ATXN7L1: variants seen among roughly 807,000 people sequenced by gnomAD.
ATXN7L1 encodes the protein ataxin 7 like 1, also known as ataxin-7-like protein 1.
ATXN7L1 carries 15 observed loss-of-function variants against 70.8 expected under a neutral mutation model. The observed-to-expected ratio is 0.21, with a 90% CI of 0.14 to 0.33. The LOEUF is 0.33. ATXN7L1 is among the 10% of genes least tolerant of loss of function. The pLI is 1.00. For synonymous variants in ATXN7L1, 440 were observed against 445.1 expected, an observed-to-expected ratio of 0.99 and a Z score of 0.14; for missense variants, 975 against 1,097.1, an observed-to-expected ratio of 0.89 and a Z score of 1.57.
In ATXN7L1 at chr7:105,614,043, G is replaced by C. The variant is rs1793464038; in HGVS notation, c.2291C>G (p.Ala764Gly). The change falls in exon 10 of 12, where the codon GCT (alanine) becomes GGT (glycine). Residue 764 changes from alanine to glycine, a missense_variant. Ala to Gly is a moderately conservative substitution (Grantham distance 60). This residue lies in a region of ATXN7L1 where 635 missense variants were observed against 699.4 expected (regional missense o/e 0.91). Transcript: ENST00000419735. This position sits in a 1 kb window ranked among gnomAD's most constrained non-coding sequence, Gnocchi z 4.3. Reference sequence around the variant, plus strand: ...AAAAGAGAGGGGCAGAGAAGACACAGCATTGTGTGAGGCCAGAGAGAGGTC... The same window carrying C: ...AAAAGAGAGGGGCAGAGAAGACACACCATTGTGTGAGGCCAGAGAGAGGTC... ...AGDLSLASHN[A>G]VSSLPLSFDK... 6.4e-7 allele frequency: 1 copy of C among 1,551,834 alleles called. No individual in the cohort carries two copies. The highest frequency in any genetic ancestry group is 2.4e-5 in the East Asian group (1 of 40,932).
At chr7:105,720,199 TA>T (rs1187560668) in intron 3 of ATXN7L1, among the ~76,000 whole-genome samples, 1 of 152,236 alleles carries the variant, frequency 6.6e-6, no homozygotes, top group Non-Finnish European at 1.5e-5. Flanking sequence ...TGCAGGTGGT[TA>T]ATTCTTTCAT....
chr7:105,673,002 C>T (rs1297115744), intron 3 of ATXN7L1, among the ~76,000 whole-genome samples: 1 of 152,210 alleles, frequency 6.6e-6, no homozygotes. Context: ...TTCCCCACAG[C>T]CTCCTTAAAC....
At chr7:105,741,046 G>A (rs1440265023) in intron 3 of ATXN7L1, among the ~76,000 whole-genome samples, 2 of 152,096 alleles carry the variant, frequency 1.3e-5, no homozygotes, top group Non-Finnish European at 2.9e-5. Context: ...TTACACGCGT[G>A]AGCCACCGCA....
At chr7:105,850,978 C>T (rs1814794140) in intron 2 of ATXN7L1, among the ~76,000 whole-genome samples, 1 of 152,154 alleles carries the variant, frequency 6.6e-6, no homozygotes. Context: ...TAACTTACCT[C>T]TTCACCTAGA....
At chr7:105,666,474 G>A (rs1030031821) in intron 3 of ATXN7L1, among the ~76,000 whole-genome samples, 1 of 152,160 alleles carries the variant, frequency 6.6e-6, no homozygotes, top group Non-Finnish European at 1.5e-5. Flanking sequence ...ACCTTTCCTG[G>A]TTGCTTTTGC....
intron 3 of ATXN7L1, among the ~76,000 whole-genome samples, chr7:105,746,102 G>T (rs184346719): frequency 1.3e-5 from 2 of 152,148 alleles, no homozygotes; most frequent in East Asian, 3.9e-4. Context: ...AAATCACGTG[G>T]GCCCTATTTT....
chr7:105,747,260 T>C (rs1168773172), intron 3 of ATXN7L1, among the ~76,000 whole-genome samples: 1 of 152,058 alleles, frequency 6.6e-6, no homozygotes, highest in Non-Finnish European at 1.5e-5. Context: ...GAGGGTTGAG[T>C]TCATCACTAA....
intron 3 of ATXN7L1, among the ~76,000 whole-genome samples, chr7:105,754,652 A>C (rs1012949592): frequency 5.9e-5 from 9 of 152,054 alleles, no homozygotes; most frequent in Admixed American, 3.3e-4. Flanking sequence ...TAGAGACAGG[A>C]TCTCACTATG....
At chr7:105,662,858 C>T (rs531935274) in intron 4 of ATXN7L1, among the ~76,000 whole-genome samples, 12 of 152,192 alleles carry the variant, frequency 7.9e-5, no homozygotes, top group East Asian at 5.8e-4. Context: ...ATAACCATGA[C>T]GTTATGCTAA....
intron 3 of ATXN7L1, among the ~76,000 whole-genome samples, chr7:105,705,281 C>A (rs988199655): frequency 1.6e-4 from 25 of 152,292 alleles, no homozygotes; most frequent in Middle Eastern, 3.4e-3. Flanking sequence ...CTGCCTTGGC[C>A]TCCCAAAGTG....
At position 105,605,051 on chromosome 7, in the gene ATXN7L1, T is replaced by TTTA. The variant is rs1792699104; in HGVS notation, c.*2800_*2801insTAA. On this transcript the variant is annotated 3_prime_UTR_variant, in exon 12 of 12. Coordinates refer to ENST00000419735, the MANE Select transcript of ATXN7L1 (RefSeq NM_020725.2). ...CAAGTTATCCAAGTCGCTTTTTTTT[T>TTTA]TTTTTTTTTTTTTTTATGGCTGACA... 1 of 143,732 alleles carries TTTA rather than the reference T, an allele frequency of 7.0e-6. No individual in the cohort carries two copies. Among genetic ancestry groups the TTTA allele is most frequent in the Admixed American group, 7.0e-5 (1 of 14,226 alleles). The allele number at this position is 143,732 out of a possible 1,614,324, so 8.9% of individuals were successfully genotyped here. A position where few individuals can be genotyped will look rare whatever the true frequency, so the allele number is the denominator to read the frequency against.
chr7:105,697,554 A>C (rs919651391), intron 3 of ATXN7L1, among the ~76,000 whole-genome samples: 2 of 152,140 alleles, frequency 1.3e-5, no homozygotes, highest in Admixed American at 1.3e-4. Context: ...GCTCAAACAC[A>C]CATGCTATAC....
intron 10 of ATXN7L1, among the ~76,000 whole-genome samples, chr7:105,610,987 G>C (rs1775044292): frequency 6.6e-6 from 1 of 152,200 alleles, no homozygotes; most frequent in Non-Finnish European, 1.5e-5. Flanking sequence ...ATATACCTCT[G>C]ACCCTCCGTC....
rs150825060 is a variant in ATXN7L1, at chr7:105,635,592, G to A, written c.1202+2761C>T. On this transcript the variant is annotated intron_variant, in intron 7 of 11. Transcript: ENST00000419735. ...CCAAGCTTACCTAGTTGGTAGGCAC[G>A]GAGTTGAGATTTCCACTTCAAATCC... Among the ~76,000 whole-genome samples the A allele has an allele frequency of 4.1e-3, 625 of 152,302 alleles. 8 individuals carry two copies. The highest frequency in any genetic ancestry group is 0.014 in the African/African-American group (594 of 41,564).
chr7:105,871,694 G>C (rs1014523111), intron 2 of ATXN7L1, among the ~76,000 whole-genome samples: 37 of 144,362 alleles, frequency 2.6e-4, no homozygotes, highest in Non-Finnish European at 1.5e-4. Flanking sequence ...TGGGCAACAA[G>C]AGCGAGATTC....
At chr7:105,823,094 CTT>C (rs536360907) in intron 2 of ATXN7L1, among the ~76,000 whole-genome samples, 1 of 143,254 alleles carries the variant, frequency 7.0e-6, no homozygotes, top group African/African-American at 2.5e-5. Context: ...GGCCCTTTAT[CTT>C]TTTTTTTTTT....
At chr7:105,693,376 GA>G (rs1791265528) in intron 3 of ATXN7L1, among the ~76,000 whole-genome samples, 1 of 151,970 alleles carries the variant, frequency 6.6e-6, no homozygotes, top group African/African-American at 2.4e-5. Flanking sequence ...AGTTTTTGTA[GA>G]GACAGAATCT....
At chr7:105,805,543 C>T (rs60720036) in intron 2 of ATXN7L1, among the ~76,000 whole-genome samples, 4,816 of 152,268 alleles carry the variant, frequency 0.032, 262 homozygotes, top group African/African-American at 0.11. Context: ...GAAATGAATG[C>T]GATGATTTAT....
rs189709344 is a variant in ATXN7L1 at position 105,730,856 on chromosome 7, C to T, written c.355+57748G>A. 5.3e-5 allele frequency among the ~76,000 whole-genome samples: 8 copies of T among 152,252 alleles called. No homozygotes were observed. In the East Asian group the frequency reaches 5.8e-4, roughly 11 times the overall value. ...AAACTAAGGAAATCTGAATAAACTA[C>T]GGACTTCGGTTAATAATAATGTGTT... On this transcript the variant is annotated intron_variant, in intron 3 of 11. Transcript: ENST00000419735.
Sources: allele counts gnomAD v4.1 joint callset (sites outside exome capture counted in the v4.1 genomes callset), GRCh38; gene constraint gnomAD v4.1.1; regional missense constraint gnomAD v4.1.1; non-coding constraint Gnocchi (gnomAD v3.1); transcripts MANE v1.5; gene names NCBI Gene and HGNC (gene_info 2026-07-23, HGNC 2026-07-21).